The following UBE2E3 variants were observed in gnomAD, a reference collection of about 807,000 sequenced individuals.
The protein encoded by UBE2E3 is ubiquitin conjugating enzyme E2 E3, also known as ubiquitin-conjugating enzyme E2 E3.
UBE2E3 carries 5 observed loss-of-function variants against 23.6 expected under a neutral mutation model. That is an observed-to-expected ratio of 0.21 (90% confidence interval 0.11 to 0.44). The LOEUF is 0.44. Ranked by LOEUF, UBE2E3 falls within the 20% of genes least tolerant of loss-of-function variation. UBE2E3 has a pLI of 0.99. For missense variants in UBE2E3, 81 were observed against 249.8 expected (o/e 0.32, Z 4.55); for synonymous variants, 78 against 87.5 (o/e 0.89, Z 0.60).
chr2:180,989,133 C>T (rs936808176), intron 3 of UBE2E3, among the ~76,000 whole-genome samples: 3 of 152,060 alleles, frequency 2.0e-5, no homozygotes, highest in South Asian at 2.1e-4. Flanking sequence ...GGGACTTGGG[C>T]GTTAGTGATA....
At chr2:181,000,566 T>C (rs530217448) in intron 3 of UBE2E3, among the ~76,000 whole-genome samples, 7 of 151,662 alleles carry the variant, frequency 4.6e-5, no homozygotes, top group African/African-American at 1.7e-4. Context: ...CTTTTTTTTT[T>C]TTTTTTGAGA....
chr2:181,060,287 T>C (rs1253479866), intron 4 of UBE2E3, among the ~76,000 whole-genome samples: 1 of 151,734 alleles, frequency 6.6e-6, no homozygotes, highest in Non-Finnish European at 1.5e-5. Flanking sequence ...CATCAGTTCC[T>C]CTTACCTTCG....
intron 3 of UBE2E3, among the ~76,000 whole-genome samples, chr2:181,008,253 A>T (rs377090301): frequency 3.3e-4 from 51 of 152,350 alleles, no homozygotes; most frequent in South Asian, 2.9e-3. Context: ...AATTCTGCTA[A>T]TATTTATTGA....
chr2:180,991,860 A>G (rs535815144), intron 3 of UBE2E3, among the ~76,000 whole-genome samples: 199 of 152,286 alleles, frequency 1.3e-3, no homozygotes, highest in African/African-American at 4.7e-3. Flanking sequence ...TCATCGTGCT[A>G]CTTAGAATGA....
At chr2:181,043,987 CTT>C (rs1686595733) in intron 3 of UBE2E3, among the ~76,000 whole-genome samples, 1 of 152,120 alleles carries the variant, frequency 6.6e-6, no homozygotes, top group African/African-American at 2.4e-5. Flanking sequence ...TTTACAAAAA[CTT>C]TTATTCACGT....
intron 3 of UBE2E3, among the ~76,000 whole-genome samples, chr2:181,026,879 ATT>A: frequency 6.7e-6 from 1 of 149,638 alleles, no homozygotes; most frequent in Non-Finnish European, 1.5e-5. Context: ...ATCATATAAT[ATT>A]TTGTGTAATT....
At chr2:181,017,638 T>C (rs1685537452) in intron 3 of UBE2E3, among the ~76,000 whole-genome samples, 1 of 63,456 alleles carries the variant, frequency 1.6e-5, no homozygotes, top group South Asian at 7.6e-4. Flanking sequence ...TACTCTGGAC[T>C]CTTCCTTGAT....
intron 2 of UBE2E3, among the ~76,000 whole-genome samples, chr2:180,983,107 T>C (rs2105561967): frequency 6.6e-6 from 1 of 152,328 alleles, no homozygotes; most frequent in South Asian, 2.1e-4. Flanking sequence ...AAATGTATAA[T>C]GTTTACAGCA....
chr2:180,995,471 T>C lies in UBE2E3; in HGVS notation c.245+11378T>C, dbSNP rs79627857. Among the ~76,000 whole-genome samples the C allele has an allele frequency of 8.5e-3, 1,292 of 152,284 alleles. 21 individuals carry two copies. The highest frequency in any genetic ancestry group is 0.029 in the African/African-American group (1,225 of 41,546). Reference sequence around the variant, plus strand: ...TGTAACATACAAAACGTTTCTGTTATTGGTAAGGCTTCAGGTCAAGAATAG... The same window carrying C: ...TGTAACATACAAAACGTTTCTGTTACTGGTAAGGCTTCAGGTCAAGAATAG... On this transcript the variant is annotated intron_variant, in intron 3 of 5. Coordinates refer to ENST00000410062, the MANE Select transcript of UBE2E3 (RefSeq NM_006357.4).
chr2:180,994,359 A>G (rs1384475345), intron 3 of UBE2E3, among the ~76,000 whole-genome samples: 1 of 152,168 alleles, frequency 6.6e-6, no homozygotes, highest in African/African-American at 2.4e-5. Context: ...TTACCTAATC[A>G]TGGCTAATCT....
At chr2:181,015,176 G>A (rs1256076135) in intron 3 of UBE2E3, among the ~76,000 whole-genome samples, 1 of 152,064 alleles carries the variant, frequency 6.6e-6, no homozygotes, top group Admixed American at 6.6e-5. Context: ...AAAAAGGGTG[G>A]AATCCTATAC....
chr2:181,023,624 C>G (rs1017092473), intron 3 of UBE2E3, among the ~76,000 whole-genome samples: 3 of 152,166 alleles, frequency 2.0e-5, no homozygotes, highest in African/African-American at 7.2e-5. Flanking sequence ...TAACTCTACT[C>G]TGACAACCTC....
chr2:181,009,113 C>A (rs906448496), intron 3 of UBE2E3, among the ~76,000 whole-genome samples: 1 of 152,060 alleles, frequency 6.6e-6, no homozygotes, highest in Non-Finnish European at 1.5e-5. Flanking sequence ...CTAGCCAGTT[C>A]TTCTACATTT....
At chr2:181,031,125 T>TG (rs1329614607) in intron 3 of UBE2E3, among the ~76,000 whole-genome samples, 1 of 152,172 alleles carries the variant, frequency 6.6e-6, no homozygotes, top group Non-Finnish European at 1.5e-5. Flanking sequence ...CCTCTCATAC[T>TG]ATTTTTTTAA....
intron 3 of UBE2E3, among the ~76,000 whole-genome samples, chr2:181,042,313 G>A (rs764880315): frequency 2.6e-5 from 4 of 152,152 alleles, no homozygotes; most frequent in Non-Finnish European, 4.4e-5. Flanking sequence ...TTCAGAGGCT[G>A]TTTACATGTT....
At chr2:181,039,438 A>G (rs922034694) in intron 3 of UBE2E3, among the ~76,000 whole-genome samples, 2 of 152,058 alleles carry the variant, frequency 1.3e-5, no homozygotes, top group African/African-American at 2.4e-5. Context: ...GGCGACTTAT[A>G]ACTAGAATGC....
At chr2:181,021,602 T>TCCTCCCTC (rs1685692474) in intron 3 of UBE2E3, among the ~76,000 whole-genome samples, 1 of 38,128 alleles carries the variant, frequency 2.6e-5, no homozygotes, top group African/African-American at 1.0e-4. Flanking sequence ...CTCCCTCCCT[T>TCCTCCCTC]CCTTCCTTCC....
chr2:181,005,671 A>G (rs1685128584), intron 3 of UBE2E3, among the ~76,000 whole-genome samples: 1 of 152,112 alleles, frequency 6.6e-6, no homozygotes. Context: ...TCTGGTTTAT[A>G]ATTTCCTGTT....
At chr2:181,028,494 T>C (rs1421744107) in intron 3 of UBE2E3, among the ~76,000 whole-genome samples, 2 of 152,154 alleles carry the variant, frequency 1.3e-5, no homozygotes, top group East Asian at 3.8e-4. Flanking sequence ...AAATTGGTGA[T>C]ACACTGATAC....
Sources: allele counts gnomAD v4.1 joint callset (sites outside exome capture counted in the v4.1 genomes callset), GRCh38; gene constraint gnomAD v4.1.1; transcripts MANE v1.5; gene names NCBI Gene and HGNC (gene_info 2026-07-23, HGNC 2026-07-21).